The following NEGR1 variants were observed in gnomAD, a reference collection of about 807,000 sequenced individuals.
The protein encoded by NEGR1 is neuronal growth regulator 1, also known as IgLON family member 4.
NEGR1 carries 10 observed loss-of-function variants against 40.9 expected under a neutral mutation model. That is an observed-to-expected ratio of 0.24 (90% CI 0.15 to 0.42). The LOEUF is 0.42. Ranked by LOEUF, NEGR1 falls within the 10% of genes least tolerant of loss-of-function variation. NEGR1 has a pLI of 1.00. For missense variants in NEGR1, 352 were observed against 438.9 expected (o/e 0.80, Z 1.77); for synonymous variants, 185 against 166.8 (o/e 1.11, Z -0.84).
At chr1:72,018,274 A>T (rs938257192) in intron 1 of NEGR1, among the ~76,000 whole-genome samples, 10 of 152,334 alleles carry the variant, frequency 6.6e-5, no homozygotes, top group African/African-American at 2.4e-4. Context: ...AGCAGTGAGC[A>T]AAATAAATAA....
intron 1 of NEGR1, among the ~76,000 whole-genome samples, chr1:72,156,542 G>C (rs1269509608): frequency 6.6e-6 from 1 of 152,160 alleles, no homozygotes; most frequent in Admixed American, 6.6e-5. Flanking sequence ...ATCTATGGCA[G>C]ATGCTATGCA....
intron 1 of NEGR1, among the ~76,000 whole-genome samples, chr1:72,175,525 A>G (rs547240797): frequency 2.8e-4 from 43 of 152,114 alleles, no homozygotes; most frequent in Non-Finnish European, 5.7e-4. Flanking sequence ...AAAAAATCTA[A>G]AATTGCTACT....
intron 2 of NEGR1, among the ~76,000 whole-genome samples, chr1:71,872,257 G>C (rs1247889583): frequency 6.6e-6 from 1 of 152,172 alleles, no homozygotes; most frequent in African/African-American, 2.4e-5. Flanking sequence ...GGTAGACTAT[G>C]ATTTTCTGAG....
At chr1:72,056,501 G>T (rs1029774835) in intron 1 of NEGR1, among the ~76,000 whole-genome samples, 9 of 151,148 alleles carry the variant, frequency 6.0e-5, no homozygotes, top group Admixed American at 4.6e-4. Flanking sequence ...TCTGTAATGA[G>T]AATTGAAATT....
At position 72,016,905 on chromosome 1, in the gene NEGR1, A is replaced by T. The variant is rs3102927; in HGVS notation, c.177-81594T>A. On this transcript the variant is annotated intron_variant, in intron 1 of 6. Transcript: ENST00000357731. ...TAAACAGAGTTATTCATCTGAATTT[A>T]TTTAGCTTCTTTGGCAACCTTTGAG... Among the ~76,000 whole-genome samples the T allele has an allele frequency of 9.8e-3, 1,495 of 152,254 alleles. 24 individuals carry two copies. Among genetic ancestry groups the T allele is most frequent in the African/African-American group, 0.035 (1,434 of 41,558 alleles).
intron 2 of NEGR1, among the ~76,000 whole-genome samples, chr1:71,807,527 T>C (rs192853676): frequency 3.3e-5 from 5 of 152,292 alleles, no homozygotes; most frequent in East Asian, 1.9e-4. Flanking sequence ...TTTAATGAAT[T>C]CCTCTTGAAG....
chr1:71,982,808 A>T (rs1646364930), intron 1 of NEGR1, among the ~76,000 whole-genome samples: 1 of 152,156 alleles, frequency 6.6e-6, no homozygotes, highest in Non-Finnish European at 1.5e-5. Context: ...AACAAGTACA[A>T]ATGAAATATA....
intron 1 of NEGR1, among the ~76,000 whole-genome samples, chr1:72,238,090 T>C (rs1303835917): frequency 1.3e-5 from 2 of 152,032 alleles, no homozygotes; most frequent in East Asian, 1.9e-4. Flanking sequence ...CTGTAATTGA[T>C]TAACTTTCAT....
rs143863573 is a variant in NEGR1 at position 72,017,126 on chromosome 1, A to ATGTGTGTG, written c.177-81823_177-81816dup. ...AATACACACATATATATACACATATATGTGTGTGTGTGTGTGTGTGTGTGT... is the reference window on the plus strand; with the variant it reads ...AATACACACATATATATACACATATATGTGTGTGTGTGTGTGTGTGTGTGTGTGTGTGT... On this transcript the variant is annotated intron_variant, in intron 1 of 6. Coordinates refer to ENST00000357731, the MANE Select transcript of NEGR1 (RefSeq NM_173808.3). Among the ~76,000 whole-genome samples, 830 of 146,880 alleles carry ATGTGTGTG rather than the reference A, an allele frequency of 5.7e-3. 11 individuals are homozygous for ATGTGTGTG. Among genetic ancestry groups the ATGTGTGTG allele is most frequent in the African/African-American group, 0.019 (746 of 39,920 alleles).
At chr1:72,008,688 T>C (rs1417626250) in intron 1 of NEGR1, among the ~76,000 whole-genome samples, 1 of 152,114 alleles carries the variant, frequency 6.6e-6, no homozygotes, top group Non-Finnish European at 1.5e-5. Context: ...ATTACATTGG[T>C]ACAACACCTT....
chr1:71,730,405 T>C (rs1275016696), intron 3 of NEGR1, among the ~76,000 whole-genome samples: 1 of 151,744 alleles, frequency 6.6e-6, no homozygotes, highest in African/African-American at 2.4e-5. Context: ...TTTCAAAAAA[T>C]GAATCGAGTA....
chr1:71,428,613 T>A (rs1336205689), intron 6 of NEGR1, among the ~76,000 whole-genome samples: 1 of 150,838 alleles, frequency 6.6e-6, no homozygotes, highest in African/African-American at 2.4e-5. Context: ...TTTAAGTATG[T>A]TTTAAAAACT....
intron 1 of NEGR1, among the ~76,000 whole-genome samples, chr1:72,056,899 A>G (rs1424746522): frequency 6.6e-6 from 1 of 151,628 alleles, no homozygotes; most frequent in Middle Eastern, 3.4e-3. Flanking sequence ...AATTCCACAT[A>G]GTTATATTAC....
chr1:71,880,796 G>A (rs1660564698), intron 2 of NEGR1, among the ~76,000 whole-genome samples: 1 of 151,884 alleles, frequency 6.6e-6, no homozygotes. Flanking sequence ...TTATAGCTAT[G>A]AGCATTTTTT....
At chr1:72,042,383 A>G (rs768047940) in intron 1 of NEGR1, among the ~76,000 whole-genome samples, 4 of 151,892 alleles carry the variant, frequency 2.6e-5, no homozygotes, top group Non-Finnish European at 5.9e-5. Context: ...AGGATGAGGG[A>G]AAGTCAGAAG....
intron 6 of NEGR1, among the ~76,000 whole-genome samples, chr1:71,498,483 C>T (rs1233929880): frequency 6.6e-6 from 1 of 151,998 alleles, no homozygotes; most frequent in East Asian, 1.9e-4. Flanking sequence ...ATAAGTAAGG[C>T]TTTTTCACTC....
Position 72,080,643 on chromosome 1 carries a change from T to G in NEGR1, c.177-145332A>C, listed in dbSNP as rs115464625. On this transcript the variant is annotated intron_variant, in intron 1 of 6. Coordinates refer to ENST00000357731, the MANE Select transcript of NEGR1 (RefSeq NM_173808.3). ...TGCTGGTTAAGTTAAAATTATAGTA[T>G]TATACACCTGGAGTTGTATTCTGTT... Among the ~76,000 whole-genome samples the G allele has an allele frequency of 6.8e-3, 1,038 of 152,206 alleles. 13 individuals carry two copies. Among genetic ancestry groups the G allele is most frequent in the African/African-American group, 0.024 (1,001 of 41,566 alleles).
intron 6 of NEGR1, among the ~76,000 whole-genome samples, chr1:71,477,961 G>C (rs1219888959): frequency 2.0e-5 from 3 of 151,884 alleles, no homozygotes; most frequent in Non-Finnish European, 4.4e-5. Context: ...ATAAAAAAAT[G>C]CTGTGATCTT....
intron 4 of NEGR1, among the ~76,000 whole-genome samples, chr1:71,656,571 C>A (rs1395039840): frequency 6.6e-6 from 1 of 152,132 alleles, no homozygotes; most frequent in Non-Finnish European, 1.5e-5. Flanking sequence ...CGCCACCGTG[C>A]CCGTCTAATT....
Sources: gnomAD v4.1 joint callset for allele counts (sites outside exome capture counted in the v4.1 genomes callset) on GRCh38, gnomAD v4.1.1 for gene constraint, MANE v1.5 for transcripts, NCBI Gene and HGNC (gene_info 2026-07-23, HGNC 2026-07-21) for gene names.